Variants in PDGFC observed in about 807,000 individuals in gnomAD.
PDGFC encodes platelet-derived growth factor C.
A neutral mutation model predicts 35.5 loss-of-function variants in PDGFC; 12 were observed. The ratio of observed to expected loss-of-function variants is 0.34; its 90% CI spans 0.22 to 0.55. PDGFC has a LOEUF of 0.55. PDGFC is among the 20% of genes least tolerant of loss of function. The pLI, the probability that PDGFC is intolerant of heterozygous loss-of-function variation, is 0.91. For synonymous variants in PDGFC, 159 were observed against 148.8 expected (o/e 1.07, Z -0.50); for missense variants, 322 against 412.4 (o/e 0.78, Z 1.90).
At chr4:156,825,178 T>C (rs577998876) in intron 2 of PDGFC, among the ~76,000 whole-genome samples, 8 of 152,176 alleles carry the variant, frequency 5.3e-5, no homozygotes, top group South Asian at 2.1e-4. Flanking sequence ...CCTCCTCAAA[T>C]GCATTCCAAC....
At chr4:156,889,536 C>T (rs1417690024) in intron 1 of PDGFC, among the ~76,000 whole-genome samples, 1 of 152,130 alleles carries the variant, frequency 6.6e-6, no homozygotes. Context: ...TGCCATACTG[C>T]GTTTCTTAAC....
intron 3 of PDGFC, 26 bp from the exon 4 acceptor site, chr4:156,772,919 A>C: frequency 6.6e-7 from 1 of 1,525,926 alleles, no homozygotes; most frequent in Non-Finnish European, 9.1e-7. Flanking sequence ...ATCCTGTGTT[A>C]ACTGTTTTAA....
Position 156,829,284 on chromosome 4 carries a change from C to A in PDGFC, c.315-18267G>T, listed in dbSNP as rs539648821. Among the ~76,000 whole-genome samples the A allele has an allele frequency of 1.6e-3, 236 of 152,200 alleles. 1 individual carries two copies. The highest frequency in any genetic ancestry group is 5.4e-3 in the African/African-American group (225 of 41,538). ...AGAAGAAAGACAGACTGCCATTTCTCAAGAAGCAAAACAAAACAAATATCT... is the reference window on the plus strand; with the variant it reads ...AGAAGAAAGACAGACTGCCATTTCTAAAGAAGCAAAACAAAACAAATATCT... On this transcript the variant is annotated intron_variant, in intron 2 of 5. Coordinates refer to ENST00000502773, the MANE Select transcript of PDGFC (RefSeq NM_016205.3).
intron 1 of PDGFC, among the ~76,000 whole-genome samples, chr4:156,967,022 T>C (rs1732482615): frequency 7.0e-6 from 1 of 143,078 alleles, no homozygotes; most frequent in African/African-American, 2.4e-5. Context: ...GGAGGAAGTT[T>C]TTTCTTTTTT....
At chr4:156,933,550 G>C (rs144450991) in intron 1 of PDGFC, among the ~76,000 whole-genome samples, 1 of 152,222 alleles carries the variant, frequency 6.6e-6, no homozygotes, top group East Asian at 1.9e-4. Context: ...CTATTATTTG[G>C]TAATTTTGCT....
At chr4:156,763,357 T>A in intron 5 of PDGFC, 151 bp from the exon 6 acceptor site, 12 of 165,578 alleles carry the variant, frequency 7.2e-5, no homozygotes, top group African/African-American at 8.8e-5. Flanking sequence ...GAAAACACTC[T>A]CCCACCAAAA....
intron 3 of PDGFC, among the ~76,000 whole-genome samples, chr4:156,793,519 C>A (rs1489066198): frequency 1.5e-5 from 2 of 134,548 alleles, no homozygotes; most frequent in South Asian, 2.5e-4. Flanking sequence ...TTTTATAATA[C>A]ATATGAATTA....
At chr4:156,825,557 T>G in intron 2 of PDGFC, among the ~76,000 whole-genome samples, 1 of 67,164 alleles carries the variant, frequency 1.5e-5, no homozygotes, top group Admixed American at 1.8e-4. Flanking sequence ...CTCCAAATAA[T>G]AATAATAATA....
At chr4:156,854,743 G>C (rs888217961) in intron 1 of PDGFC, among the ~76,000 whole-genome samples, 9 of 151,950 alleles carry the variant, frequency 5.9e-5, no homozygotes, top group Non-Finnish European at 1.2e-4. Context: ...GATGAGAAAA[G>C]TACCCACTTG....
intron 1 of PDGFC, among the ~76,000 whole-genome samples, chr4:156,850,960 TAGAAA>T (rs1316633288): frequency 6.6e-6 from 1 of 152,178 alleles, no homozygotes; most frequent in Non-Finnish European, 1.5e-5. Context: ...AGTGGATAGG[TAGAAA>T]AGACTGTTTT....
intron 1 of PDGFC, among the ~76,000 whole-genome samples, chr4:156,894,707 T>C (rs999337678): frequency 1.3e-5 from 2 of 152,100 alleles, no homozygotes; most frequent in Non-Finnish European, 2.9e-5. Context: ...TTCCACTGCA[T>C]AGGAAATTGA....
At chr4:156,936,032 T>C (rs936051071) in intron 1 of PDGFC, among the ~76,000 whole-genome samples, 2 of 152,202 alleles carry the variant, frequency 1.3e-5, no homozygotes, top group African/African-American at 4.8e-5. Flanking sequence ...ATCAGTATCT[T>C]TCCTCTTCCT....
At chr4:156,799,133 A>T (rs570701549) in intron 3 of PDGFC, among the ~76,000 whole-genome samples, 1 of 152,112 alleles carries the variant, frequency 6.6e-6, no homozygotes, top group Non-Finnish European at 1.5e-5. Flanking sequence ...TAATTCATGT[A>T]CTCCTTTAAA....
intron 1 of PDGFC, among the ~76,000 whole-genome samples, chr4:156,887,136 AGAT>A (rs1216197683): frequency 6.6e-6 from 1 of 152,238 alleles, no homozygotes; most frequent in Non-Finnish European, 1.5e-5. Context: ...ATTCTAATGA[AGAT>A]GATACTTCAT....
chr4:156,915,999 T>C (rs1257237564), intron 1 of PDGFC, among the ~76,000 whole-genome samples: 1 of 152,056 alleles, frequency 6.6e-6, no homozygotes, highest in African/African-American at 2.4e-5. Context: ...TCTATATTCC[T>C]TTCTAAAAAA....
chr4:156,831,251 G>A (rs902571768), intron 2 of PDGFC, among the ~76,000 whole-genome samples: 2 of 151,984 alleles, frequency 1.3e-5, no homozygotes, highest in African/African-American at 4.8e-5. Context: ...ACCAATATTT[G>A]TACTCTTGAA....
intron 1 of PDGFC, among the ~76,000 whole-genome samples, chr4:156,970,150 C>A (rs1247744083): frequency 6.6e-6 from 1 of 152,170 alleles, no homozygotes; most frequent in African/African-American, 2.4e-5. Flanking sequence ...TCGTTTCCAG[C>A]ACACACAAAA....
intron 1 of PDGFC, among the ~76,000 whole-genome samples, chr4:156,950,443 T>C (rs989480134): frequency 6.6e-6 from 1 of 151,900 alleles, no homozygotes; most frequent in Non-Finnish European, 1.5e-5. Context: ...CCCCTTTCCA[T>C]TGTCTAGTCA....
At chr4:156,939,247 T>C (rs1042769074) in intron 1 of PDGFC, among the ~76,000 whole-genome samples, 1 of 152,116 alleles carries the variant, frequency 6.6e-6, no homozygotes, top group African/African-American at 2.4e-5. Flanking sequence ...GCTTTAAAGT[T>C]ATATCTTTTT....
Sources: gnomAD v4.1 joint callset for allele counts (sites outside exome capture counted in the v4.1 genomes callset) on GRCh38, gnomAD v4.1.1 for gene constraint, MANE v1.5 for transcripts, NCBI Gene and HGNC (gene_info 2026-07-23, HGNC 2026-07-21) for gene names.